Variants in POTEE observed in about 807,000 individuals in gnomAD.
POTEE encodes POTE ankyrin domain family member E.
Under a neutral mutation model 74.2 loss-of-function variants are expected in POTEE, and 21 were observed. That is an observed-to-expected ratio of 0.28 (90% confidence interval 0.20 to 0.41). POTEE has a LOEUF of 0.41. Among genes scored for constraint, POTEE ranks in the 10% least tolerant of loss-of-function variants. The probability of loss-of-function intolerance (pLI) is 1.00; values close to 1 mark genes in which losing one functional copy is unlikely to be tolerated. For missense variants in POTEE, 525 were observed against 1,158.6 expected (o/e 0.45, Z 7.94); for synonymous variants, 211 against 432.8 (o/e 0.49, Z 6.36).
chr2:131,263,831 C>G lies in POTEE; in HGVS notation c.2376C>G (p.Asn792Lys). 7 of 1,603,344 alleles carry G rather than the reference C, an allele frequency of 4.4e-6. No homozygotes were observed. Among genetic ancestry groups the G allele is most frequent in the Non-Finnish European group, 6.0e-6 (7 of 1,174,970 alleles). The change falls in exon 18 of 18, where the codon AAC (asparagine) becomes AAG (lysine). Residue 792 changes from asparagine (N) to lysine (K), a missense_variant. Physicochemically the swap from Asn to Lys is moderately conservative, Grantham distance 94. Transcript: ENST00000683005. ...AGATCTGGCACCACACCTTCTACAA[C>G]GAGCTGCGTGTGGCTCCCGAGGAGC... ...MEKIWHHTFY[N>K]ELRVAPEEHP...
At chr2:131,221,409 A>C (rs1354225209) in intron 4 of POTEE, among the ~76,000 whole-genome samples, 1 of 152,210 alleles carries the variant, frequency 6.6e-6, no homozygotes, top group Non-Finnish European at 1.5e-5. Flanking sequence ...AGCTGAAAAC[A>C]TGTAGAAAAT....
intron 8 of POTEE, among the ~76,000 whole-genome samples, chr2:131,229,968 AC>A (rs1382910605): frequency 2.6e-5 from 4 of 152,052 alleles, no homozygotes; most frequent in African/African-American, 9.7e-5. Flanking sequence ...ATAAAAGTAG[AC>A]TTTTGGTCTC....
intron 9 of POTEE, among the ~76,000 whole-genome samples, chr2:131,236,362 C>G (rs531618664): frequency 6.6e-6 from 1 of 152,036 alleles, no homozygotes; most frequent in African/African-American, 2.4e-5. Context: ...GTCAGACTAG[C>G]TAAGTGCGGG....
rs543579375 is a variant in POTEE, at chr2:131,218,771, C to T, written c.369C>T (p.Tyr123=). 198 of 1,612,792 alleles carry T rather than the reference C, an allele frequency of 1.2e-4. No individual in the cohort carries two copies. The highest frequency in any genetic ancestry group is 1.5e-4 in the Non-Finnish European group (180 of 1,179,802). ...GKSKVGAWGD[Y]DDSAFMEPRY... ...GCAAGGTGGGCGCTTGGGGAGACTA[C>T]GATGACAGCGCCTTCATGGAGCCCA... The change falls in exon 4 of 18, where the codon TAC becomes TAT. Residue 123 remains tyrosine, a synonymous_variant. Transcript: ENST00000683005.
chr2:131,262,880 T>C (rs1321391989), intron 17 of POTEE, among the ~76,000 whole-genome samples: 7 of 152,348 alleles, frequency 4.6e-5, no homozygotes, highest in Admixed American at 2.6e-4. Context: ...CTTAAAGAAC[T>C]TTGAGAAATT....
chr2:131,210,620 G>A (rs535111960), intron 1 of POTEE, among the ~76,000 whole-genome samples: 133 of 151,930 alleles, frequency 8.8e-4, no homozygotes, highest in African/African-American at 3.0e-3. Context: ...TGCACCTCCC[G>A]CCCACACCCC....
intron 16 of POTEE, among the ~76,000 whole-genome samples, chr2:131,253,931 AATG>A (rs1375077882): frequency 7.5e-5 from 11 of 146,052 alleles, no homozygotes; most frequent in Non-Finnish European, 1.5e-4. Flanking sequence ...ATTTTTAAAA[AATG>A]AGGTTAGATG....
At chr2:131,235,808 A>G (rs1331980208) in intron 9 of POTEE, among the ~76,000 whole-genome samples, 1 of 151,626 alleles carries the variant, frequency 6.6e-6, no homozygotes, top group African/African-American at 2.4e-5. Context: ...AAAAAAAAAA[A>G]AAAAAGAAAG....
chr2:131,231,290 A>G (rs1700947515), intron 9 of POTEE, among the ~76,000 whole-genome samples: 1 of 149,378 alleles, frequency 6.7e-6, no homozygotes, highest in South Asian at 2.2e-4. Flanking sequence ...ATCTAGTGCT[A>G]TCACTGATCT....
At chr2:131,212,446 C>G (rs567862116) in intron 2 of POTEE, among the ~76,000 whole-genome samples, 7 of 151,210 alleles carry the variant, frequency 4.6e-5, no homozygotes, top group African/African-American at 1.7e-4. Context: ...TGGCAAACAG[C>G]CATTTCATCT....
At position 131,217,774 on chromosome 2, in the gene POTEE, CCGCACG is replaced by C. The variant is rs1246468832; in HGVS notation, c.-94+105_-94+110del. 2.0e-3 allele frequency among the ~76,000 whole-genome samples: 238 copies of C among 118,148 alleles called. 3 individuals are homozygous for C. Among genetic ancestry groups the C allele is most frequent in the Middle Eastern group, 0.013 (3 of 230 alleles). The allele number at this position is 118,148 out of a possible 152,430, so 77.5% of individuals were successfully genotyped here. A position where few individuals can be genotyped will look rare whatever the true frequency, so the allele number is the denominator to read the frequency against. ...GCACGCCGCACGCCGCACGCGCACG[CCGCACG>C]CGCACGCGCACGCCCGGCAGCAGCT... is the stretch of plus-strand genomic sequence containing the variant. On this transcript the variant is annotated intron_variant, in intron 3 of 17. Coordinates refer to ENST00000683005, the MANE Select transcript of POTEE (RefSeq NM_001083538.3).
At position 131,228,261 on chromosome 2, in the gene POTEE, C is replaced by A. The variant is rs1700842097; in HGVS notation, c.935C>A (p.Ala312Asp). 1 of 1,611,636 alleles carries A rather than the reference C, an allele frequency of 6.2e-7. No individual in the cohort carries two copies. Among genetic ancestry groups the A allele is most frequent in the Admixed American group, 1.7e-5 (1 of 59,992 alleles). Residue 312 changes from alanine to aspartate, a missense_variant, in exon 8 of 18, where the codon GCT becomes GAT. Physicochemically the swap from Ala to Asp is moderately radical, Grantham distance 126. Coordinates refer to ENST00000683005, the MANE Select transcript of POTEE (RefSeq NM_001083538.3). ...CATTTTAGGACTGCTCTCATACTTG[C>A]TGTATGTTGTGGATCAGCAAGTATA... ...DRYGRTALIL[A>D]VCCGSASIVS... is the part of the protein sequence containing the mutation.
At chr2:131,222,722 C>T (rs571812003) in intron 4 of POTEE, among the ~76,000 whole-genome samples, 1 of 152,130 alleles carries the variant, frequency 6.6e-6, no homozygotes, top group Non-Finnish European at 1.5e-5. Context: ...CCATGCTATT[C>T]ATTTGAATTC....
intron 9 of POTEE, among the ~76,000 whole-genome samples, chr2:131,233,486 TTA>T (rs1202998571): frequency 6.6e-6 from 1 of 152,010 alleles, no homozygotes; most frequent in African/African-American, 2.4e-5. Flanking sequence ...CAGTAGTCAG[TTA>T]TAGTTTCCTT....
chr2:131,210,439 A>G (rs960008258), intron 1 of POTEE, among the ~76,000 whole-genome samples: 2 of 150,440 alleles, frequency 1.3e-5, no homozygotes, highest in Non-Finnish European at 3.0e-5. Context: ...TAGGGTTGCT[A>G]TGGGGGCTAT....
chr2:131,219,550 C>T (rs527914583), intron 4 of POTEE, among the ~76,000 whole-genome samples: 9 of 152,116 alleles, frequency 5.9e-5, no homozygotes, highest in African/African-American at 1.4e-4. Flanking sequence ...CTGGCTAACA[C>T]GGTGAAACCC....
chr2:131,212,856 G>A lies in POTEE; in HGVS notation c.-189+1673G>A, dbSNP rs562478543. Among the ~76,000 whole-genome samples the A allele has an allele frequency of 3.8e-4, 58 of 151,288 alleles. No individual in the cohort carries two copies. The South Asian group carries it at 0.011, about 29-fold the overall frequency. On this transcript the variant is annotated intron_variant, in intron 2 of 17. Transcript: ENST00000683005. ...TGGGATTGGAGGTGTGAGCCACCAC[G>A]CCTGGCTCTCTGCCACCATTTTCAA...
chr2:131,220,246 C>T (rs866510984), intron 4 of POTEE, among the ~76,000 whole-genome samples: 30 of 150,584 alleles, frequency 2.0e-4, no homozygotes, highest in Middle Eastern at 6.8e-3. Context: ...ACTCTGCTGC[C>T]CCGGCTGGAG....
At chr2:131,230,397 T>C (rs1263150784) in intron 8 of POTEE, among the ~76,000 whole-genome samples, 1 of 152,212 alleles carries the variant, frequency 6.6e-6, no homozygotes, top group African/African-American at 2.4e-5. Flanking sequence ...ATTGCTTTAC[T>C]ATTTCTCTGA....
Sources: allele counts gnomAD v4.1 joint callset (sites outside exome capture counted in the v4.1 genomes callset), GRCh38; gene constraint gnomAD v4.1.1; transcripts MANE v1.5; gene names NCBI Gene and HGNC (gene_info 2026-07-23, HGNC 2026-07-21).